The following TEP1 variants were observed in gnomAD, a reference collection of about 807,000 sequenced individuals.
TEP1 encodes the protein telomerase associated protein 1, also known as telomerase protein component 1.
A neutral mutation model predicts 306.3 loss-of-function variants in TEP1; 241 were observed. That is an observed-to-expected ratio of 0.79 (90% confidence interval 0.71 to 0.88). The LOEUF (loss-of-function observed/expected upper bound fraction) is 0.88. TEP1 is among the 40% of genes least tolerant of loss of function. The pLI is 0.00. For synonymous variants in TEP1, 1,289 were observed against 1,305.5 expected (o/e 0.99, Z 0.27); for missense variants, 3,051 against 3,276.1 (o/e 0.93, Z 1.68).
chr14:20,371,500 T>A lies in TEP1; in HGVS notation c.7209A>T (p.Pro2403=), dbSNP rs1884837224. 3 of 1,609,436 alleles carry A rather than the reference T, an allele frequency of 1.9e-6. No individual in the cohort carries two copies. The highest frequency in any genetic ancestry group is 2.5e-6 in the Non-Finnish European group (3 of 1,179,102). Reference sequence around the variant, plus strand: ...ATTTTGGATCTTACCAGATTTCAGATGGAGCATCCCCTGGCTTCATGCAAA... The same window carrying A: ...ATTTTGGATCTTACCAGATTTCAGAAGGAGCATCCCCTGGCTTCATGCAAA... ...KLLCMKPGDA[P]SEIWSSYTEN... is the part of the protein sequence containing the mutation. Residue 2403 remains proline (P), a synonymous_variant, in exon 50 of 55, where the codon CCA becomes CCT. Coordinates refer to ENST00000262715, the MANE Select transcript of TEP1 (RefSeq NM_007110.5).
At chr14:20,397,230 G>A (rs1196854970) in intron 9 of TEP1, among the ~76,000 whole-genome samples, 3 of 152,210 alleles carry the variant, frequency 2.0e-5, no homozygotes, top group Non-Finnish European at 4.4e-5. Context: ...AAATTTCGTA[G>A]TGTAAGTTGA....
Position 20,369,688 on chromosome 14 carries a change from G to C in TEP1, c.7409C>G (p.Ala2470Gly), listed in dbSNP as rs757777095. ...PSRTLISITQ[A>G]KPESESSFLC... ...TTACCACTCACCAGATTCAGGTTTG[G>C]CTTGAGTTATCGATATTAGGGTCCT... is the stretch of plus-strand genomic sequence containing the variant. The change falls in exon 52 of 55, where the codon GCC (alanine) becomes GGC (glycine). Residue 2470 changes from alanine to glycine, a missense_variant. This residue lies in a region of TEP1 where 1,540 missense variants were observed against 1,705.9 expected (regional missense o/e 0.90). Coordinates refer to ENST00000262715, the MANE Select transcript of TEP1 (RefSeq NM_007110.5). The C allele has an allele frequency of 1.9e-6, 3 of 1,614,038 alleles. No individual in the cohort carries two copies. The highest frequency in any genetic ancestry group is 2.2e-5 in the South Asian group (2 of 91,078).
At chr14:20,377,216 A>T in intron 41 of TEP1, 64 bp downstream of exon 41, 13 of 253,074 alleles carry the variant, frequency 5.1e-5, no homozygotes, top group Non-Finnish European at 7.6e-5. Flanking sequence ...GCTCTGTCTT[A>T]AAAAAAAAAA....
At chr14:20,375,709 C>A in intron 43 of TEP1, 46 bp downstream of exon 43, 2 of 1,354,562 alleles carry the variant, frequency 1.5e-6, no homozygotes, top group South Asian at 1.2e-5. Context: ...TTGTCTTGCC[C>A]CAGGAACCCA....
At chr14:20,369,915 C>CA in intron 51 of TEP1, 136 bp from the exon 52 acceptor site, 1 of 564,622 alleles carries the variant, frequency 1.8e-6, no homozygotes, top group African/African-American at 3.4e-5. Flanking sequence ...ATCAAGTGCG[C>CA]AAATTTTTTT....
At chr14:20,396,544 G>T in intron 10 of TEP1, 77 bp downstream of exon 10, 2 of 1,268,724 alleles carry the variant, frequency 1.6e-6, no homozygotes, top group Non-Finnish European at 2.2e-6. Context: ...AAAAAGCCTG[G>T]CCTCTAAAGC....
chr14:20,368,752 G>A (rs759234232), intron 54 of TEP1, 46 bp downstream of exon 54: 2 of 1,495,724 alleles, frequency 1.3e-6, no homozygotes, highest in African/African-American at 1.5e-5. Context: ...TGGGATAGGT[G>A]TGCAGGCGCA....
At chr14:20,398,239 G>A (rs1383969166) in intron 9 of TEP1, among the ~76,000 whole-genome samples, 2 of 151,812 alleles carry the variant, frequency 1.3e-5, no homozygotes, top group Non-Finnish European at 2.9e-5. Flanking sequence ...TTAGCCGGGC[G>A]TGGTGGTGGT....
At chr14:20,394,376 C>G (rs1311096775) in intron 12 of TEP1, among the ~76,000 whole-genome samples, 5 of 152,002 alleles carry the variant, frequency 3.3e-5, no homozygotes, top group African/African-American at 1.2e-4. Flanking sequence ...CATGTCTCAA[C>G]TCAGACGTCA....
At chr14:20,384,868 T>G (rs1173327127) in intron 21 of TEP1, 117 bp downstream of exon 21, 1 of 1,538,336 alleles carries the variant, frequency 6.5e-7, no homozygotes, top group Admixed American at 1.9e-5. Flanking sequence ...AAAGGCATGC[T>G]GAGTCCTGTT....
intron 12 of TEP1, among the ~76,000 whole-genome samples, chr14:20,392,354 T>C (rs767618109): frequency 7.9e-5 from 12 of 152,242 alleles, no homozygotes; most frequent in Admixed American, 1.3e-4. Flanking sequence ...AGGCTATTAC[T>C]ACCTAGAAGT....
At position 20,386,609 on chromosome 14, in the gene TEP1, C is replaced by T. The variant is rs370976102; in HGVS notation, c.2699G>A (p.Arg900Gln). The T allele has an allele frequency of 3.4e-5, 54 of 1,601,900 alleles. No individual in the cohort carries two copies. The highest frequency in any genetic ancestry group is 4.1e-5 in the Non-Finnish European group (48 of 1,172,268). Residue 900 changes from arginine to glutamine, a missense_variant, in exon 19 of 55, where the codon CGG becomes CAG. Arg to Gln is a conservative substitution (Grantham distance 43, BLOSUM62 1). Around this residue, in one of 3 missense-constraint regions of TEP1, gnomAD observed 1,507 missense variants for 1,550.5 expected, o/e 0.97. Coordinates refer to ENST00000262715, the MANE Select transcript of TEP1 (RefSeq NM_007110.5). ...PVSQQGWRSIRLFISSTFRDM... is the reference protein window; with the variant it reads ...PVSQQGWRSIQLFISSTFRDM... Reference sequence around the variant, plus strand: ...TCGGAAAGTGGATGAAATGAAAAGCCGGATGCTGCGCCATCTGGGGATAAG... The same window carrying T: ...TCGGAAAGTGGATGAAATGAAAAGCTGGATGCTGCGCCATCTGGGGATAAG...
At chr14:20,386,377 T>C (rs770105422) in intron 19 of TEP1, 70 bp downstream of exon 19, 14 of 1,573,436 alleles carry the variant, frequency 8.9e-6, no homozygotes, top group African/African-American at 2.7e-5. Flanking sequence ...GCCCCAACCA[T>C]GCCCACCTCA....
At chr14:20,385,267 T>C (rs371672033) in intron 20 of TEP1, among the ~76,000 whole-genome samples, 158 bp from the exon 21 acceptor site, 1 of 152,238 alleles carries the variant, frequency 6.6e-6, no homozygotes, top group East Asian at 1.9e-4. Flanking sequence ...GTTTTTTATT[T>C]ATTTTTATTT....
chr14:20,404,270 G>A (rs913723870), intron 5 of TEP1, among the ~76,000 whole-genome samples: 8 of 149,210 alleles, frequency 5.4e-5, no homozygotes, highest in Admixed American at 2.0e-4. Context: ...AAGGAGAATC[G>A]CTTGAACCTG....
Position 20,391,531 on chromosome 14 carries a change from G to A in TEP1, c.2097+68C>T, listed in dbSNP as rs1456963574. The A allele has an allele frequency of 2.4e-5, 37 of 1,530,282 alleles. No individual in the cohort carries two copies. The South Asian group carries it at 3.8e-4, about 16-fold the overall frequency. The allele number at this position is 1,530,282 out of a possible 1,614,324, so 94.8% of individuals were successfully genotyped here. ...CCTGGGAAAACCAGCTCTGGGAACA[G>A]GATACTGCTCAGGATCCCCAGCATT... On this transcript the variant is annotated intron_variant, in intron 13 of 54. Coordinates refer to ENST00000262715, the MANE Select transcript of TEP1 (RefSeq NM_007110.5).
rs750611706 is a variant in TEP1, at chr14:20,389,247, G to C, written c.2516C>G (p.Ala839Gly). ...NDVTLSGCTD[A>G]ILKFIAEHGA... ...TCCATTCTGTACTCACTTCAGTATC[G>C]CATCAGTACAGCCTGAGAGTGTCAC... The change falls in exon 17 of 55, where the codon GCG (alanine) becomes GGG (glycine). Residue 839 changes from alanine to glycine, a missense_variant. By Grantham distance (60) the Ala-to-Gly change is moderately conservative. Coordinates refer to ENST00000262715, the MANE Select transcript of TEP1 (RefSeq NM_007110.5). 38 of 1,613,752 alleles carry C rather than the reference G, an allele frequency of 2.4e-5. No homozygotes were observed. Among genetic ancestry groups the C allele is most frequent in the Non-Finnish European group, 3.0e-5 (35 of 1,179,914 alleles).
At position 20,388,052 on chromosome 14, in the gene TEP1, T is replaced by C. The variant is rs1272940117; in HGVS notation, c.2537A>G (p.Glu846Gly). The C allele has an allele frequency of 1.2e-6, 2 of 1,613,904 alleles. No homozygotes were observed. The highest frequency in any genetic ancestry group is 2.7e-5 in the African/African-American group (2 of 74,914). ...CTDAILKFIA[E>G]HGASHLLEHV... ...TTCCAGAAGATGGGAGGCCCCATGCTCTGCAATGAACCTGACATAAATAAC... is the reference window on the plus strand; with the variant it reads ...TTCCAGAAGATGGGAGGCCCCATGCCCTGCAATGAACCTGACATAAATAAC... Residue 846 changes from glutamate (E) to glycine (G), a missense_variant, in exon 18 of 55, where the codon GAG (glutamate) becomes GGG (glycine). Glu to Gly is a moderately conservative substitution (Grantham distance 98). Around this residue, in one of 3 missense-constraint regions of TEP1, gnomAD observed 1,507 missense variants for 1,550.5 expected, o/e 0.97. Transcript: ENST00000262715.
Position 20,374,547 on chromosome 14 carries a change from A to T in TEP1, c.6364-11T>A. On this transcript the variant is annotated splice_polypyrimidine_tract_variant and intron_variant, in intron 43 of 54. Transcript: ENST00000262715. The stretch of plus-strand genomic sequence containing the variant: ...ACTGGAGCAGGATATCTACAGAGTC[A>T]GAAGTCAGAGGAGTGGGATTATCAG... 1 of 1,596,630 alleles carries T rather than the reference A, an allele frequency of 6.3e-7. No individual in the cohort carries two copies. The highest frequency in any genetic ancestry group is 8.6e-7 in the Non-Finnish European group (1 of 1,166,854).
Sources: gnomAD v4.1 joint callset for allele counts (sites outside exome capture counted in the v4.1 genomes callset) on GRCh38, gnomAD v4.1.1 for gene constraint, gnomAD v4.1.1 regional missense constraint, MANE v1.5 for transcripts, NCBI Gene and HGNC (gene_info 2026-07-23, HGNC 2026-07-21) for gene names.